KLLN: variants seen among roughly 807,000 people sequenced by gnomAD.
KLLN encodes the protein killin, p53 regulated DNA replication inhibitor, also known as killin.
For synonymous variants in KLLN, 142 were observed against 102.2 expected (o/e 1.39, Z -2.35); for missense variants, 340 against 241.3 (o/e 1.41, Z -2.71).
At position 87,862,653 on chromosome 10, in the gene KLLN, C is replaced by T; in HGVS notation, c.-166G>A. On this transcript the variant is annotated 5_prime_UTR_variant, in exon 1 of 1. It adds an upstream start codon to the 5' untranslated region. Transcript: ENST00000445946. ...GGAGAGGCCTGCGGGGTGCGTCCCA[C>T]TCACAGGGATCCTCTTTCAGTTCAT... 1.6e-6 allele frequency: 1 copy of T among 631,288 alleles called. No homozygotes were observed. Among genetic ancestry groups the T allele is most frequent in the South Asian group, 2.0e-5 (1 of 50,082 alleles). The allele number at this position is 631,288 out of a possible 1,614,324, so 39.1% of individuals were successfully genotyped here.
In KLLN at chr10:87,862,540, G is replaced by C. The variant is rs1858295009; in HGVS notation, c.-53C>G. The stretch of plus-strand genomic sequence containing the variant: ...GGGGGCGGGGCTAGGTGGTCTCTGA[G>C]AACCGAGCTTGACTCCGACGCCGCG... On this transcript the variant is annotated 5_prime_UTR_variant, in exon 1 of 1. Coordinates refer to ENST00000445946, the MANE Select transcript of KLLN (RefSeq NM_001126049.2). The C allele has an allele frequency of 2.0e-6, 3 of 1,468,370 alleles. No individual in the cohort carries two copies. The highest frequency in any genetic ancestry group is 2.7e-6 in the Non-Finnish European group (3 of 1,094,254). The allele number at this position is 1,468,370 out of a possible 1,614,324, so 91.0% of individuals were successfully genotyped here. A position where few individuals can be genotyped will look rare whatever the true frequency, so the allele number is the denominator to read the frequency against.
rs1342191813 is a variant in KLLN, at chr10:87,861,196, C to A, written c.*755G>T. 1 of 152,204 alleles carries A rather than the reference C, an allele frequency of 6.6e-6. No homozygotes were observed. The highest frequency in any genetic ancestry group is 1.5e-5 in the Non-Finnish European group (1 of 68,054). The allele number at this position is 152,204 out of a possible 1,614,324, so 9.4% of individuals were successfully genotyped here. On this transcript the variant is annotated 3_prime_UTR_variant, in exon 1 of 1. Coordinates refer to ENST00000445946, the MANE Select transcript of KLLN (RefSeq NM_001126049.2). ...TAGTAGTCCCGGAGTTAGGTAATGG[C>A]CTGTGGCTTTCTGCGCTAGGTCTCT...
In KLLN at chr10:87,862,093, C is replaced by A; in HGVS notation, c.395G>T (p.Trp132Leu). Reference protein sequence around the residue: ...ERCRGWRLGNWLHKHPHPNTC... With the variant: ...ERCRGWRLGNLLHKHPHPNTC... ...GTTTGGATGTGGGTGCTTGTGTAACCAGTTCCCCAAGCGCCAGCCCCGACA... is the reference window on the plus strand; with the variant it reads ...GTTTGGATGTGGGTGCTTGTGTAACAAGTTCCCCAAGCGCCAGCCCCGACA... Residue 132 changes from tryptophan (W) to leucine (L), a missense_variant, in exon 1 of 1, where the codon TGG becomes TTG. By Grantham distance (61) the Trp-to-Leu change is moderately conservative. Coordinates refer to ENST00000445946, the MANE Select transcript of KLLN (RefSeq NM_001126049.2). 2.0e-6 allele frequency: 3 copies of A among 1,533,592 alleles called. No homozygotes were observed. Among genetic ancestry groups the A allele is most frequent in the Non-Finnish European group, 1.8e-6 (2 of 1,137,668 alleles). The allele number at this position is 1,533,592 out of a possible 1,614,324, so 95.0% of individuals were successfully genotyped here.
In KLLN at chr10:87,860,015, C is replaced by CAAAAAAAA. The variant is rs5786795; in HGVS notation, c.*1928_*1935dup. 2 of 34,306 alleles carry CAAAAAAAA rather than the reference C, an allele frequency of 5.8e-5. No individual in the cohort carries two copies. The highest frequency in any genetic ancestry group is 9.8e-5 in the African/African-American group (1 of 10,210). The allele number at this position is 34,306 out of a possible 1,614,324, so 2.1% of individuals were successfully genotyped here. A position where few individuals can be genotyped will look rare whatever the true frequency, so the allele number is the denominator to read the frequency against. ...CACTCCAGCCTGTGAGACTCCGTCTCAAAAAAAAAAAAAAAAAAAGAAAAA... is the reference window on the plus strand; with the variant it reads ...CACTCCAGCCTGTGAGACTCCGTCTCAAAAAAAAAAAAAAAAAAAAAAAAAAAGAAAAA... On this transcript the variant is annotated 3_prime_UTR_variant, in exon 1 of 1. Transcript: ENST00000445946.
rs1858236433 is a variant in KLLN, at chr10:87,860,325, C to T, written c.*1626G>A. On this transcript the variant is annotated 3_prime_UTR_variant, in exon 1 of 1. Coordinates refer to ENST00000445946, the MANE Select transcript of KLLN (RefSeq NM_001126049.2). The stretch of plus-strand genomic sequence containing the variant: ...GTTGGGCTGGCCAAATATCTGCCAA[C>T]ATTGATGATCCTTTCATTCACCACT... The T allele has an allele frequency of 6.6e-6, 1 of 152,200 alleles. No individual in the cohort carries two copies. The highest frequency in any genetic ancestry group is 1.5e-5 in the Non-Finnish European group (1 of 68,044). The allele number at this position is 152,200 out of a possible 1,614,324, so 9.4% of individuals were successfully genotyped here.
the KLLN span, chr10:87,862,024 G>GT: frequency 1.1e-5 from 17 of 1,485,144 alleles, no homozygotes; most frequent in African/African-American, 1.4e-5. Context: ...CCCGCGTTCT[G>GT]TAAGAATCGG....
Position 87,862,812 on chromosome 10 carries a change from G to T in KLLN, c.-325C>A. 2.3e-6 allele frequency: 1 copy of T among 436,564 alleles called. No individual in the cohort carries two copies. The highest frequency in any genetic ancestry group is 4.3e-6 in the Non-Finnish European group (1 of 231,660). The allele number at this position is 436,564 out of a possible 1,614,324, so 27.0% of individuals were successfully genotyped here. ...AAGCGAGAGGTGGGGCGCTGCAAGG[G>T]AGCCGGATGAGGTGATACACGCTGG... On this transcript the variant is annotated 5_prime_UTR_variant, in exon 1 of 1. Coordinates refer to ENST00000445946, the MANE Select transcript of KLLN (RefSeq NM_001126049.2).
Position 87,862,714 on chromosome 10 carries a change from G to C in KLLN, c.-227C>G, listed in dbSNP as rs569775070. 50 of 580,452 alleles carry C rather than the reference G, an allele frequency of 8.6e-5. No homozygotes were observed. The East Asian group carries it at 1.4e-3, about 16-fold the overall frequency. 36.0% of individuals were successfully genotyped at this position (580,452 alleles called of 1,614,324 possible). Reference sequence around the variant, plus strand: ...GCCCTTTGGGCCCTTGAAATTCAACGGCTATGTGTTCACGTTCAGCACGCT... The same window carrying C: ...GCCCTTTGGGCCCTTGAAATTCAACCGCTATGTGTTCACGTTCAGCACGCT... On this transcript the variant is annotated 5_prime_UTR_variant, in exon 1 of 1. Transcript: ENST00000445946.
chr10:87,862,800 G>A lies in KLLN; in HGVS notation c.-313C>T. 4.4e-6 allele frequency: 2 copies of A among 457,192 alleles called. No homozygotes were observed. Among genetic ancestry groups the A allele is most frequent in the East Asian group, 3.7e-5 (1 of 27,248 alleles). 28.3% of individuals were successfully genotyped at this position (457,192 alleles called of 1,614,324 possible). A position where few individuals can be genotyped will look rare whatever the true frequency, so the allele number is the denominator to read the frequency against. On this transcript the variant is annotated 5_prime_UTR_variant, in exon 1 of 1. Transcript: ENST00000445946. ...GAGTTACCGGGGAAGCGAGAGGTGG[G>A]GCGCTGCAAGGGAGCCGGATGAGGT... is the stretch of plus-strand genomic sequence containing the variant.
Position 87,862,539 on chromosome 10 carries a change from A to G in KLLN, c.-52T>C. On this transcript the variant is annotated 5_prime_UTR_variant, in exon 1 of 1. Transcript: ENST00000445946. ...GGGGGGCGGGGCTAGGTGGTCTCTG[A>G]GAACCGAGCTTGACTCCGACGCCGC... 1.4e-6 allele frequency: 2 copies of G among 1,472,712 alleles called. No homozygotes were observed. Among genetic ancestry groups the G allele is most frequent in the Non-Finnish European group, 1.8e-6 (2 of 1,097,782 alleles). 91.2% of individuals were successfully genotyped at this position (1,472,712 alleles called of 1,614,324 possible).
Position 87,861,486 on chromosome 10 carries a change from G to A in KLLN, c.*465C>T, listed in dbSNP as rs1365238832. The A allele has an allele frequency of 5.7e-5, 9 of 157,772 alleles. No individual in the cohort carries two copies. The highest frequency in any genetic ancestry group is 2.8e-5 in the Non-Finnish European group (2 of 72,008). The allele number at this position is 157,772 out of a possible 1,614,324, so 9.8% of individuals were successfully genotyped here. ...GAAAAAACAATAAATTCCCAGACTG[G>A]TGTTGATGCTCATTCTCTTTAAGCG... On this transcript the variant is annotated 3_prime_UTR_variant, in exon 1 of 1. Transcript: ENST00000445946.
At position 87,859,614 on chromosome 10, in the gene KLLN, C is replaced by T. The variant is rs1858224053; in HGVS notation, c.*2337G>A. The T allele has an allele frequency of 1.3e-5, 2 of 152,126 alleles. No individual in the cohort carries two copies. Among genetic ancestry groups the T allele is most frequent in the Admixed American group, 1.3e-4 (2 of 15,272 alleles). The allele number at this position is 152,126 out of a possible 1,614,324, so 9.4% of individuals were successfully genotyped here. On this transcript the variant is annotated 3_prime_UTR_variant, in exon 1 of 1. Coordinates refer to ENST00000445946, the MANE Select transcript of KLLN (RefSeq NM_001126049.2). ...CAGCTGTTAGAAGCGATAATTAAAG[C>T]TAGTTTACCATGCTTACTAATCAAT... is the stretch of plus-strand genomic sequence containing the variant.
Position 87,861,668 on chromosome 10 carries a change from T to G in KLLN, c.*283A>C. 1 of 360,564 alleles carries G rather than the reference T, an allele frequency of 2.8e-6. No homozygotes were observed. The highest frequency in any genetic ancestry group is 5.0e-6 in the Non-Finnish European group (1 of 199,300). 22.3% of individuals were successfully genotyped at this position (360,564 alleles called of 1,614,324 possible). ...CAGGTTTGTTCTGGGCTGACGGCCATTGACTAGGTTCTCAGACCAGATAAG... is the reference window on the plus strand; with the variant it reads ...CAGGTTTGTTCTGGGCTGACGGCCAGTGACTAGGTTCTCAGACCAGATAAG... On this transcript the variant is annotated 3_prime_UTR_variant, in exon 1 of 1. Transcript: ENST00000445946.
chr10:87,863,319 C>G lies in KLLN; in HGVS notation c.-832G>C, dbSNP rs927422559. ...GCAGGCTGGCGGCTGGGAACCGGCC[C>G]GAGCAAGCCCCAGGCAGCTACACTG... On this transcript the variant is annotated 5_prime_UTR_variant, in exon 1 of 1. Transcript: ENST00000445946. 3.6e-6 allele frequency: 1 copy of G among 281,510 alleles called. No homozygotes were observed. Among genetic ancestry groups the G allele is most frequent in the Non-Finnish European group, 7.1e-6 (1 of 141,538 alleles). The allele number at this position is 281,510 out of a possible 1,614,324, so 17.4% of individuals were successfully genotyped here.
In KLLN at chr10:87,860,082, T is replaced by C; in HGVS notation, c.*1869A>G. 7.0e-6 allele frequency: 1 copy of C among 143,882 alleles called. No homozygotes were observed. Among genetic ancestry groups the C allele is most frequent in the East Asian group, 2.0e-4 (1 of 4,958 alleles). The allele number at this position is 143,882 out of a possible 1,614,324, so 8.9% of individuals were successfully genotyped here. Reference sequence around the variant, plus strand: ...GTGCTTGGAGACCAGTGTATTGTAATATCTATACAGCCAAGCAGGTATTTT... The same window carrying C: ...GTGCTTGGAGACCAGTGTATTGTAACATCTATACAGCCAAGCAGGTATTTT... On this transcript the variant is annotated 3_prime_UTR_variant, in exon 1 of 1. Coordinates refer to ENST00000445946, the MANE Select transcript of KLLN (RefSeq NM_001126049.2).
In KLLN at chr10:87,861,950, C is replaced by G. The variant is rs1252090932; in HGVS notation, c.*1G>C. ...GTAGAGCAAGGAGTGAGTCTCAGGTCTCAGTCCTTTGGCTTGCTCTTAGGG... is the reference window on the plus strand; with the variant it reads ...GTAGAGCAAGGAGTGAGTCTCAGGTGTCAGTCCTTTGGCTTGCTCTTAGGG... On this transcript the variant is annotated 3_prime_UTR_variant, in exon 1 of 1. Transcript: ENST00000445946. 3 of 1,456,884 alleles carry G rather than the reference C, an allele frequency of 2.1e-6. No homozygotes were observed. The highest frequency in any genetic ancestry group is 9.1e-7 in the Non-Finnish European group (1 of 1,102,750). 90.2% of individuals were successfully genotyped at this position (1,456,884 alleles called of 1,614,324 possible). A position where few individuals can be genotyped will look rare whatever the true frequency, so the allele number is the denominator to read the frequency against.
chr10:87,860,476 A>G lies in KLLN; in HGVS notation c.*1475T>C, dbSNP rs1858238880. ...TCTAGCACTTTAGTGCTGGTGATGC[A>G]GATTATCTCTGCTCCAGAGTAACTC... is the stretch of plus-strand genomic sequence containing the variant. On this transcript the variant is annotated 3_prime_UTR_variant, in exon 1 of 1. Transcript: ENST00000445946. 6.6e-6 allele frequency: 1 copy of G among 152,262 alleles called. No individual in the cohort carries two copies. The highest frequency in any genetic ancestry group is 1.5e-5 in the Non-Finnish European group (1 of 68,056). The allele number at this position is 152,262 out of a possible 1,614,324, so 9.4% of individuals were successfully genotyped here. A position where few individuals can be genotyped will look rare whatever the true frequency, so the allele number is the denominator to read the frequency against.
Position 87,859,782 on chromosome 10 carries a change from C to A in KLLN, c.*2169G>T, listed in dbSNP as rs911160271. ...GTGGCTCACGCCTGTAATCCCAGCA[C>A]TTTGGGAGGCCGTGGCGGGCAGATC... On this transcript the variant is annotated 3_prime_UTR_variant, in exon 1 of 1. Coordinates refer to ENST00000445946, the MANE Select transcript of KLLN (RefSeq NM_001126049.2). 1.3e-5 allele frequency: 2 copies of A among 152,162 alleles called. No individual in the cohort carries two copies. Among genetic ancestry groups the A allele is most frequent in the African/African-American group, 4.8e-5 (2 of 41,324 alleles). The allele number at this position is 152,162 out of a possible 1,614,324, so 9.4% of individuals were successfully genotyped here.
At position 87,863,238 on chromosome 10, in the gene KLLN, G is replaced by A; in HGVS notation, c.-751C>T. 4.8e-6 allele frequency: 1 copy of A among 209,486 alleles called. No individual in the cohort carries two copies. The highest frequency in any genetic ancestry group is 1.1e-5 in the Non-Finnish European group (1 of 94,360). 13.0% of individuals were successfully genotyped at this position (209,486 alleles called of 1,614,324 possible). ...GGCTGGGTTTCTGGGCAGAGGCCGA[G>A]GCTTAGCTCGTTATCCTCGCCTCGC... On this transcript the variant is annotated 5_prime_UTR_variant, in exon 1 of 1. Transcript: ENST00000445946.
Sources: gnomAD v4.1 joint callset for allele counts on GRCh38, gnomAD v4.1.1 for gene constraint, MANE v1.5 for transcripts, NCBI Gene and HGNC (gene_info 2026-07-23, HGNC 2026-07-21) for gene names.